ETNK1: variants seen among roughly 807,000 people sequenced by gnomAD.
ETNK1 encodes the protein putative protein product of Nbla10396.
Under a neutral mutation model 45.1 loss-of-function variants are expected in ETNK1, and 8 were observed. The ratio of observed to expected loss-of-function variants is 0.18; its 90% CI spans 0.10 to 0.32. The LOEUF (loss-of-function observed/expected upper bound fraction) is 0.32, where lower values mean the gene tolerates loss of function less well. ETNK1 is among the 10% of genes least tolerant of loss of function. ETNK1 has a pLI of 1.00. For synonymous variants in ETNK1, 152 were observed against 151.9 expected (o/e 1.00, Z -0.01); for missense variants, 302 against 430.6 (o/e 0.70, Z 2.64).
chr12:22,627,160 T>TA (rs1555217728), intron 1 of ETNK1, among the ~76,000 whole-genome samples: 10 of 151,938 alleles, frequency 6.6e-5, no homozygotes, highest in South Asian at 2.1e-4. Context: ...ATTTTTTTTT[T>TA]ATCTTAGTCG....
rs1286185420 is a variant in ETNK1, at chr12:22,649,940, A to T, written c.416+5918A>T. On this transcript the variant is annotated intron_variant, in intron 2 of 7. Transcript: ENST00000266517. ...GTATTGAGTCTTTTTATCCGTGAACATGGAATATCTCTTATTTAGTTATTT... is the reference window on the plus strand; with the variant it reads ...GTATTGAGTCTTTTTATCCGTGAACTTGGAATATCTCTTATTTAGTTATTT... 3.3e-5 allele frequency among the ~76,000 whole-genome samples: 5 copies of T among 152,082 alleles called. No individual in the cohort carries two copies. In the South Asian group the frequency reaches 1.0e-3, roughly 32 times the overall value.
In ETNK1 at chr12:22,633,582, A is replaced by G. The variant is rs187395262; in HGVS notation, c.156+7996A>G. The stretch of plus-strand genomic sequence containing the variant: ...TAGACTCAATTTTGGGATTCCCACA[A>G]AAGAAACTGGATAGGATTTTGATTA... On this transcript the variant is annotated intron_variant, in intron 1 of 7. Transcript: ENST00000266517. Among the ~76,000 whole-genome samples, 516 of 152,340 alleles carry G rather than the reference A, an allele frequency of 3.4e-3. 4 individuals are homozygous for G. Among genetic ancestry groups the G allele is most frequent in the African/African-American group, 0.012 (503 of 41,578 alleles).
chr12:22,645,889 T>C lies in ETNK1; in HGVS notation c.416+1867T>C, dbSNP rs549015041. ...CCCCTTCCTAGATTTACTCAGAATA[T>C]GTATAAGTGATACTAATGTAGGCAT... is the stretch of plus-strand genomic sequence containing the variant. On this transcript the variant is annotated intron_variant, in intron 2 of 7. Transcript: ENST00000266517. 2.4e-3 allele frequency among the ~76,000 whole-genome samples: 363 copies of C among 151,988 alleles called. 1 individual carries two copies. Among genetic ancestry groups the C allele is most frequent in the African/African-American group, 8.4e-3 (348 of 41,548 alleles).
intron 1 of ETNK1, chr12:22,626,018 A>G (rs1017426016): frequency 2.6e-6 from 1 of 381,038 alleles, no homozygotes; most frequent in Non-Finnish European, 5.2e-6. Flanking sequence ...TCCCCCTGCG[A>G]TGTGCTTTCA....
At chr12:22,646,431 A>C (rs1953807831) in intron 2 of ETNK1, among the ~76,000 whole-genome samples, 1 of 151,820 alleles carries the variant, frequency 6.6e-6, no homozygotes, top group South Asian at 2.1e-4. Flanking sequence ...ATTTGGGATG[A>C]TGTGCTTATT....
intron 1 of ETNK1, chr12:22,626,185 T>TG (rs1358505961): frequency 4.8e-6 from 1 of 207,516 alleles, no homozygotes; most frequent in African/African-American, 2.3e-5. Flanking sequence ...GTCGTCTTAC[T>TG]GAAATTAATA....
chr12:22,667,750 TTCCTTTC>T (rs1307180274), intron 4 of ETNK1, among the ~76,000 whole-genome samples: 1 of 152,216 alleles, frequency 6.6e-6, no homozygotes, highest in East Asian at 1.9e-4. Flanking sequence ...TTCATTTTTA[TTCCTTTC>T]TCCTAACAAC....
intron 6 of ETNK1, among the ~76,000 whole-genome samples, chr12:22,677,979 G>C (rs1370968163): frequency 6.6e-6 from 1 of 152,096 alleles, no homozygotes; most frequent in Middle Eastern, 3.4e-3. Flanking sequence ...TTTGCTGATC[G>C]TCTGTTGTGT....
intron 4 of ETNK1, among the ~76,000 whole-genome samples, chr12:22,664,164 T>C (rs1303912853): frequency 6.6e-6 from 1 of 151,910 alleles, no homozygotes; most frequent in Admixed American, 6.6e-5. Context: ...AATTATATTA[T>C]TTAATAAATT....
chr12:22,626,008 T>C, intron 1 of ETNK1: 1 of 387,486 alleles, frequency 2.6e-6, no homozygotes, highest in Non-Finnish European at 5.1e-6. Flanking sequence ...TCCTCTCCCC[T>C]CCCCCTGCGA....
chr12:22,658,941 A>G (rs1953971855), intron 2 of ETNK1, 73 bp from the exon 3 acceptor site: 3 of 1,487,790 alleles, frequency 2.0e-6, no homozygotes, highest in Admixed American at 4.0e-5. Context: ...AAGTTTCATC[A>G]AGAATCTTTG....
intron 1 of ETNK1, among the ~76,000 whole-genome samples, chr12:22,632,078 A>ATT (rs34533040): frequency 0.012 from 1,795 of 148,608 alleles, 22 homozygotes; most frequent in African/African-American, 0.032. Flanking sequence ...TTAATAGCAG[A>ATT]TTTTTTTTTT....
chr12:22,626,066 A>G (rs1456216441), intron 1 of ETNK1: 5 of 353,300 alleles, frequency 1.4e-5, no homozygotes, highest in Non-Finnish European at 2.8e-5. Context: ...CCCAAACCCT[A>G]GCGTACTCAA....
At chr12:22,646,598 CTA>C in intron 2 of ETNK1, among the ~76,000 whole-genome samples, 1 of 151,884 alleles carries the variant, frequency 6.6e-6, no homozygotes, top group East Asian at 1.9e-4. Context: ...TTTTAAGACA[CTA>C]TTGATTGTTA....
chr12:22,687,781 C>CT lies in ETNK1; in HGVS notation c.*2828dup, dbSNP rs1195815141. On this transcript the variant is annotated 3_prime_UTR_variant, in exon 8 of 8. Coordinates refer to ENST00000266517, the MANE Select transcript of ETNK1 (RefSeq NM_018638.5). ...TGTGAACTGTATCTTGCATATGAGA[C>CT]TGTGTATTGTTTTGCATTCTCTTCC... 2 of 152,218 alleles carry CT rather than the reference C, an allele frequency of 1.3e-5. No individual in the cohort carries two copies. Among genetic ancestry groups the CT allele is most frequent in the East Asian group, 3.9e-4 (2 of 5,186 alleles). The allele number at this position is 152,218 out of a possible 1,614,324, so 9.4% of individuals were successfully genotyped here.
rs146316342 is a variant in ETNK1 at position 22,656,556 on chromosome 12, C to G, written c.417-2458C>G. On this transcript the variant is annotated intron_variant, in intron 2 of 7. Coordinates refer to ENST00000266517, the MANE Select transcript of ETNK1 (RefSeq NM_018638.5). ...TTCACTGAAAGCAGAACTACTGTGCCGAGCCCTCCAGTGACATGGGCCTTC... is the reference window on the plus strand; with the variant it reads ...TTCACTGAAAGCAGAACTACTGTGCGGAGCCCTCCAGTGACATGGGCCTTC... 652 of 985,284 alleles carry G rather than the reference C, an allele frequency of 6.6e-4. 3 individuals carry two copies. The African/African-American group carries it at 0.011, about 16-fold the overall frequency. 61.0% of individuals were successfully genotyped at this position (985,284 alleles called of 1,614,324 possible).
At chr12:22,643,639 C>A in intron 1 of ETNK1, 124 bp from the exon 2 acceptor site, 2 of 651,332 alleles carry the variant, frequency 3.1e-6, no homozygotes, top group Non-Finnish European at 5.0e-6. Flanking sequence ...AAAGATGGTT[C>A]TTTTATGTGA....
In ETNK1 at chr12:22,689,412, C is replaced by T. The variant is rs900918854; in HGVS notation, c.*4458C>T. ...ATTGTATCTGTATTCATTGTGAATC[C>T]TGTAGCTTTTCTAGTTAACAAAAAA... On this transcript the variant is annotated 3_prime_UTR_variant, in exon 8 of 8. Transcript: ENST00000266517. 6.6e-6 allele frequency: 1 copy of T among 151,910 alleles called. No homozygotes were observed. The highest frequency in any genetic ancestry group is 1.5e-5 in the Non-Finnish European group (1 of 67,828). The allele number at this position is 151,910 out of a possible 1,614,324, so 9.4% of individuals were successfully genotyped here.
intron 1 of ETNK1, among the ~76,000 whole-genome samples, chr12:22,629,136 T>C (rs1953541750): frequency 6.6e-6 from 1 of 152,180 alleles, no homozygotes. Context: ...TTATTGCTGC[T>C]GAGCACCTAC....
Sources: gnomAD v4.1 joint callset for allele counts (sites outside exome capture counted in the v4.1 genomes callset) on GRCh38, gnomAD v4.1.1 for gene constraint, MANE v1.5 for transcripts, NCBI Gene and HGNC (gene_info 2026-07-23, HGNC 2026-07-21) for gene names.